The following UNC5C variants were observed in gnomAD, a reference collection of about 807,000 sequenced individuals.
The protein encoded by UNC5C is unc-5 netrin receptor C.
In UNC5C, 47 loss-of-function variants were observed where a neutral mutation model predicts 99.8. That is an observed-to-expected ratio of 0.47 (90% CI 0.37 to 0.60). UNC5C has a LOEUF of 0.60. Among genes scored for constraint, UNC5C ranks in the 20% least tolerant of loss-of-function variants. UNC5C has a pLI of 0.00. For missense variants in UNC5C, 1,062 were observed against 1,165.9 expected, an observed-to-expected ratio of 0.91 and a Z score of 1.30; for synonymous variants, 487 against 452.2, an observed-to-expected ratio of 1.08 and a Z score of -0.98.
At chr4:95,219,369 A>C in intron 8 of UNC5C, 56 bp from the exon 9 acceptor site, 1 of 1,534,886 alleles carries the variant, frequency 6.5e-7, no homozygotes, top group Non-Finnish European at 8.9e-7. Context: ...GCCAACCTAC[A>C]TTAGTCAGAC....
intron 1 of UNC5C, among the ~76,000 whole-genome samples, chr4:95,425,220 A>G (rs370713511): frequency 6.6e-6 from 1 of 152,256 alleles, no homozygotes; most frequent in African/African-American, 2.4e-5. Context: ...TCAGATTTAC[A>G]GTGATTTTCT....
intron 1 of UNC5C, among the ~76,000 whole-genome samples, chr4:95,453,424 C>A (rs1470257372): frequency 1.3e-5 from 2 of 150,696 alleles, no homozygotes; most frequent in Non-Finnish European, 3.0e-5. Context: ...ATTCCATAGT[C>A]TTCAAACTAA....
At chr4:95,222,763 T>G (rs1738518555) in intron 7 of UNC5C, among the ~76,000 whole-genome samples, 1 of 152,184 alleles carries the variant, frequency 6.6e-6, no homozygotes, top group Non-Finnish European at 1.5e-5. Flanking sequence ...TTTACTGAGC[T>G]AAGCTGAGAC....
chr4:95,530,732 A>G lies in UNC5C; in HGVS notation c.124+18002T>C, dbSNP rs144572493. Among the ~76,000 whole-genome samples the G allele has an allele frequency of 5.5e-3, 841 of 152,306 alleles. 10 individuals carry two copies. Among genetic ancestry groups the G allele is most frequent in the African/African-American group, 0.019 (780 of 41,568 alleles). On this transcript the variant is annotated intron_variant, in intron 1 of 15. Transcript: ENST00000453304. The stretch of plus-strand genomic sequence containing the variant: ...GTTTCTATCGAAGATACAGCATCTT[A>G]TCATATGGCTTATTATTCTTCATAA...
At chr4:95,483,000 AAAGTATAATAATAAT>A (rs1324591181) in intron 1 of UNC5C, among the ~76,000 whole-genome samples, 1 of 82,484 alleles carries the variant, frequency 1.2e-5, no homozygotes, top group Non-Finnish European at 2.1e-5. Context: ...CCTAAAACTT[AAAGTATAATAATAAT>A]AATAATAATA....
intron 14 of UNC5C, among the ~76,000 whole-genome samples, chr4:95,179,763 A>AAAG (rs1290322897): frequency 2.7e-5 from 4 of 150,178 alleles, no homozygotes; most frequent in Admixed American, 1.3e-4. Context: ...AAAAAAAAAA[A>AAAG]AAGAAAAAGA....
intron 1 of UNC5C, among the ~76,000 whole-genome samples, chr4:95,368,128 A>G (rs1313484836): frequency 6.6e-6 from 1 of 152,188 alleles, no homozygotes; most frequent in African/African-American, 2.4e-5. Context: ...TTTGACGTCT[A>G]AAATAACACT....
At chr4:95,489,550 T>C (rs1721423364) in intron 1 of UNC5C, among the ~76,000 whole-genome samples, 1 of 151,690 alleles carries the variant, frequency 6.6e-6, no homozygotes, top group African/African-American at 2.4e-5. Flanking sequence ...CAGAATGTGT[T>C]TTGGATGGGC....
chr4:95,328,163 C>T (rs1418067335), intron 2 of UNC5C, among the ~76,000 whole-genome samples: 21 of 112,206 alleles, frequency 1.9e-4, no homozygotes, highest in Admixed American at 4.8e-4. Context: ...GCACTGCACC[C>T]ACTAACGTGT....
intron 1 of UNC5C, among the ~76,000 whole-genome samples, chr4:95,536,061 C>CATACAT (rs768512563): frequency 3.3e-4 from 46 of 140,832 alleles, no homozygotes; most frequent in Non-Finnish European, 6.2e-4. Flanking sequence ...TACATACATA[C>CATACAT]ATATATATAT....
chr4:95,492,402 G>T (rs1485243658), intron 1 of UNC5C, among the ~76,000 whole-genome samples: 1 of 151,136 alleles, frequency 6.6e-6, no homozygotes, highest in African/African-American at 2.4e-5. Context: ...AAATTAACAT[G>T]GAATAATCTT....
At chr4:95,367,463 G>C (rs577877577) in intron 1 of UNC5C, among the ~76,000 whole-genome samples, 2 of 151,988 alleles carry the variant, frequency 1.3e-5, no homozygotes, top group African/African-American at 4.8e-5. Context: ...ACAGGCGTGA[G>C]CCACCGTACT....
chr4:95,401,568 G>A (rs571317409), intron 1 of UNC5C, among the ~76,000 whole-genome samples: 231 of 152,284 alleles, frequency 1.5e-3, no homozygotes, highest in African/African-American at 5.1e-3. Context: ...GTCTCCCAAC[G>A]TGCTGGCATT....
intron 2 of UNC5C, among the ~76,000 whole-genome samples, chr4:95,331,961 C>G (rs933000133): frequency 1.3e-5 from 2 of 152,036 alleles, no homozygotes; most frequent in East Asian, 3.9e-4. Context: ...GAGTGAACTC[C>G]CATTCACAAT....
intron 12 of UNC5C, 21 bp downstream of exon 12, chr4:95,202,710 G>A: frequency 6.2e-7 from 1 of 1,610,488 alleles, no homozygotes; most frequent in Non-Finnish European, 8.5e-7. Flanking sequence ...GAAGAGGGCA[G>A]GCTAGGTGGG....
chr4:95,368,418 A>G (rs1335881675), intron 1 of UNC5C, among the ~76,000 whole-genome samples: 1 of 152,322 alleles, frequency 6.6e-6, no homozygotes, highest in East Asian at 1.9e-4. Flanking sequence ...TAAATAAATG[A>G]AAAAAGAAAA....
At chr4:95,415,549 T>A (rs376552215) in intron 1 of UNC5C, among the ~76,000 whole-genome samples, 2 of 152,236 alleles carry the variant, frequency 1.3e-5, no homozygotes, top group African/African-American at 4.8e-5. Flanking sequence ...TTGAGGGTTG[T>A]TTATGTGCCA....
At chr4:95,409,621 G>A (rs544812799) in intron 1 of UNC5C, among the ~76,000 whole-genome samples, 1 of 152,046 alleles carries the variant, frequency 6.6e-6, no homozygotes, top group Non-Finnish European at 1.5e-5. Context: ...GTGAAGGTGG[G>A]CACAATTTTT....
At chr4:95,410,907 G>A (rs978384764) in intron 1 of UNC5C, among the ~76,000 whole-genome samples, 6 of 152,078 alleles carry the variant, frequency 3.9e-5, no homozygotes, top group African/African-American at 1.4e-4. Context: ...CCACCACCTG[G>A]TTCCCTCTGG....
Sources: gnomAD v4.1 joint callset for allele counts (sites outside exome capture counted in the v4.1 genomes callset) on GRCh38, gnomAD v4.1.1 for gene constraint, MANE v1.5 for transcripts, NCBI Gene and HGNC (gene_info 2026-07-23, HGNC 2026-07-21) for gene names.